The following IRAK3 variants were observed in gnomAD, a reference collection of about 807,000 sequenced individuals.
The protein encoded by IRAK3 is interleukin 1 receptor associated kinase 3.
In IRAK3, 57 loss-of-function variants were observed where a neutral mutation model predicts 56.6. The ratio of observed to expected loss-of-function variants is 1.01; its 90% CI spans 0.81 to 1.26. IRAK3 has a LOEUF of 1.26. IRAK3 is among the 50% of genes most tolerant of loss of function. IRAK3 has a pLI of 0.00. For synonymous variants in IRAK3, 258 were observed against 255.7 expected (o/e 1.01, Z -0.09); for missense variants, 703 against 719.0 (o/e 0.98, Z 0.25).
At position 66,195,443 on chromosome 12, in the gene IRAK3, C is replaced by G. The variant is rs545055491; in HGVS notation, c.133+6011C>G. 3.9e-5 allele frequency among the ~76,000 whole-genome samples: 6 copies of G among 152,268 alleles called. No homozygotes were observed. In the East Asian group the frequency reaches 1.2e-3, roughly 30 times the overall value. ...TATGCTATCATTGCCCTATTCAGAA[C>G]CCTCTGGCGGCTTCCCAGGCCAGTC... On this transcript the variant is annotated intron_variant, in intron 1 of 11. Coordinates refer to ENST00000261233, the MANE Select transcript of IRAK3 (RefSeq NM_007199.3).
intron 4 of IRAK3, 143 bp downstream of exon 4, chr12:66,210,344 T>A: frequency 1.6e-6 from 1 of 625,118 alleles, no homozygotes; most frequent in Admixed American, 2.7e-5. Flanking sequence ...TTAAAATAAC[T>A]TCAATTTGAT....
At chr12:66,206,722 C>T (rs980345567) in intron 2 of IRAK3, among the ~76,000 whole-genome samples, 12 of 152,148 alleles carry the variant, frequency 7.9e-5, no homozygotes, top group African/African-American at 2.9e-4. Context: ...TAATACTGGT[C>T]TCATAAAATG....
At position 66,245,118 on chromosome 12, in the gene IRAK3, G is replaced by A. The variant is rs2053014857; in HGVS notation, c.1170G>A (p.Leu390=). ...HIQLRDLLRE[L]MEKRGLDSCL... Reference sequence around the variant, plus strand: ...CCAAGCGGGATCTCCTTAGAGAATTGATGGAGAAGAGAGGCCTGGATTCAT... The same window carrying A: ...CCAAGCGGGATCTCCTTAGAGAATTAATGGAGAAGAGAGGCCTGGATTCAT... The change falls in exon 11 of 12, where the codon TTG becomes TTA. Residue 390 remains leucine, a synonymous_variant. Coordinates refer to ENST00000261233, the MANE Select transcript of IRAK3 (RefSeq NM_007199.3). 3 of 1,613,988 alleles carry A rather than the reference G, an allele frequency of 1.9e-6. No homozygotes were observed. In the African/African-American group the frequency reaches 4.0e-5, roughly 22 times the overall value.
At chr12:66,240,425 G>A (rs1199874902) in intron 8 of IRAK3, among the ~76,000 whole-genome samples, 1 of 152,188 alleles carries the variant, frequency 6.6e-6, no homozygotes, top group African/African-American at 2.4e-5. Flanking sequence ...GAAAAAGAAA[G>A]CTCCGCAGTC....
At chr12:66,239,279 G>A (rs1009936784) in intron 8 of IRAK3, among the ~76,000 whole-genome samples, 7 of 147,890 alleles carry the variant, frequency 4.7e-5, no homozygotes, top group African/African-American at 1.7e-4. Flanking sequence ...CAAAGAAGAA[G>A]CCATTTGCTT....
chr12:66,194,012 C>T (rs1316946706), intron 1 of IRAK3, among the ~76,000 whole-genome samples: 10 of 152,264 alleles, frequency 6.6e-5, no homozygotes, highest in South Asian at 4.1e-4. Context: ...ACTGCAGCCT[C>T]GACCTCCCAG....
chr12:66,224,943 A>C (rs1592592898), intron 6 of IRAK3, among the ~76,000 whole-genome samples: 1 of 152,334 alleles, frequency 6.6e-6, no homozygotes, highest in East Asian at 1.9e-4. Flanking sequence ...CTGATTTAAA[A>C]ATTTGTAGCA....
chr12:66,234,117 T>A (rs2052876293), intron 8 of IRAK3: 1 of 1,614,050 alleles, frequency 6.2e-7, no homozygotes, highest in Non-Finnish European at 8.5e-7. Context: ...TCATTAGACG[T>A]CTCGACAGCC....
chr12:66,211,727 G>T (rs2052614263), intron 5 of IRAK3, 130 bp downstream of exon 5: 1 of 778,254 alleles, frequency 1.3e-6, no homozygotes, highest in East Asian at 2.7e-5. Context: ...GGAAATAAGA[G>T]ATATGATTTC....
Position 66,233,921 on chromosome 12 carries a change from T to C in IRAK3, c.887+5551T>C, listed in dbSNP as rs192547421. On this transcript the variant is annotated intron_variant, in intron 8 of 11. Coordinates refer to ENST00000261233, the MANE Select transcript of IRAK3 (RefSeq NM_007199.3). ...CACCTTATAGAACTTATAGCAAAAA[T>C]AGTTTTAGTTGATTTCGTTATAAAT... Among the ~76,000 whole-genome samples, 11 of 151,778 alleles carry C rather than the reference T, an allele frequency of 7.2e-5. No homozygotes were observed. The East Asian group carries it at 7.7e-4, about 11-fold the overall frequency.
At chr12:66,190,728 G>GT (rs1261969248) in intron 1 of IRAK3, among the ~76,000 whole-genome samples, 2 of 152,086 alleles carry the variant, frequency 1.3e-5, no homozygotes, top group African/African-American at 4.8e-5. Context: ...CATCGCCAGT[G>GT]TTTTTTTAAC....
chr12:66,240,538 T>G (rs930609460), intron 8 of IRAK3, among the ~76,000 whole-genome samples: 6 of 152,056 alleles, frequency 3.9e-5, no homozygotes, highest in Non-Finnish European at 8.8e-5. Flanking sequence ...GCCTGCAGGT[T>G]CTAGGAGAAA....
At chr12:66,204,778 G>GCACACACACACACA (rs59511601) in intron 2 of IRAK3, among the ~76,000 whole-genome samples, 1 of 147,812 alleles carries the variant, frequency 6.8e-6, no homozygotes, top group Non-Finnish European at 1.5e-5. Flanking sequence ...GAGCCCTTGC[G>GCACACACACACACA]CACACACACA....
intron 6 of IRAK3, among the ~76,000 whole-genome samples, chr12:66,220,514 CTT>C (rs1555203808): frequency 1.5e-5 from 1 of 67,350 alleles, no homozygotes; most frequent in African/African-American, 7.3e-5. Flanking sequence ...GTTCTTCTTT[CTT>C]TTTTTTTTTT....
chr12:66,208,339 AC>A, intron 2 of IRAK3, among the ~76,000 whole-genome samples: 1 of 117,034 alleles, frequency 8.5e-6, no homozygotes, highest in South Asian at 2.7e-4. Flanking sequence ...ACACACACAC[AC>A]ACAAACACAC....
chr12:66,252,328 C>T lies in IRAK3; in HGVS notation c.*4157C>T, dbSNP rs2053108349. The stretch of plus-strand genomic sequence containing the variant: ...ACTCACATTTGTCTGACTTCAAAAT[C>T]CATGCTTTTTCTTGTGTTCCAAATT... On this transcript the variant is annotated 3_prime_UTR_variant, in exon 12 of 12. Transcript: ENST00000261233. 6.6e-6 allele frequency: 1 copy of T among 152,196 alleles called. No homozygotes were observed. The highest frequency in any genetic ancestry group is 6.5e-5 in the Admixed American group (1 of 15,272). The allele number at this position is 152,196 out of a possible 1,614,324, so 9.4% of individuals were successfully genotyped here. A position where few individuals can be genotyped will look rare whatever the true frequency, so the allele number is the denominator to read the frequency against.
chr12:66,246,815 A>G lies in IRAK3; in HGVS notation c.1315-880A>G, dbSNP rs143711240. Among the ~76,000 whole-genome samples the G allele has an allele frequency of 1.4e-4, 22 of 152,304 alleles. No individual in the cohort carries two copies. The East Asian group carries it at 3.5e-3, about 24-fold the overall frequency. On this transcript the variant is annotated intron_variant, in intron 11 of 11. Coordinates refer to ENST00000261233, the MANE Select transcript of IRAK3 (RefSeq NM_007199.3). ...GTGTGTGTATATGAAGGTATGTTGTATGGTGTATTAATTACATCAAGGGTT... is the reference window on the plus strand; with the variant it reads ...GTGTGTGTATATGAAGGTATGTTGTGTGGTGTATTAATTACATCAAGGGTT...
chr12:66,214,382 T>A (rs868323664), intron 5 of IRAK3, among the ~76,000 whole-genome samples: 4 of 147,674 alleles, frequency 2.7e-5, no homozygotes, highest in Middle Eastern at 6.9e-3. Flanking sequence ...AAAAAAAAAT[T>A]AAAAAAAAAA....
chr12:66,230,804 TTTTC>T (rs1163638535), intron 8 of IRAK3, among the ~76,000 whole-genome samples: 3 of 152,092 alleles, frequency 2.0e-5, no homozygotes, highest in African/African-American at 7.2e-5. Context: ...ACTCGAAGAT[TTTTC>T]TTTTTCACAT....
Sources: gnomAD v4.1 joint callset for allele counts (sites outside exome capture counted in the v4.1 genomes callset) on GRCh38, gnomAD v4.1.1 for gene constraint, MANE v1.5 for transcripts, NCBI Gene and HGNC (gene_info 2026-07-23, HGNC 2026-07-21) for gene names.